The following LDLRAD4 variants were observed in gnomAD, a reference collection of about 807,000 sequenced individuals.
LDLRAD4 encodes low density lipoprotein receptor class A domain containing 4.
A neutral mutation model predicts 17.0 loss-of-function variants in LDLRAD4; 5 were observed. The ratio of observed to expected loss-of-function variants is 0.29; its 90% CI spans 0.15 to 0.62. The LOEUF (loss-of-function observed/expected upper bound fraction) is 0.62. Ranked by LOEUF, LDLRAD4 falls within the 20% of genes least tolerant of loss-of-function variation. The pLI, the probability that LDLRAD4 is intolerant of heterozygous loss-of-function variation, is 0.84. For synonymous variants in LDLRAD4, 168 were observed against 171.8 expected (o/e 0.98, Z 0.17); for missense variants, 340 against 424.7 (o/e 0.80, Z 1.75).
At chr18:13,249,933 CAGGT>C (rs2145809073) in intron 1 of LDLRAD4, among the ~76,000 whole-genome samples, 1 of 152,222 alleles carries the variant, frequency 6.6e-6, no homozygotes, top group East Asian at 1.9e-4. Context: ...TATACGGTGA[CAGGT>C]AGGGGTCTAG....
chr18:13,243,211 A>G (rs918802024), intron 1 of LDLRAD4, among the ~76,000 whole-genome samples: 2 of 152,188 alleles, frequency 1.3e-5, no homozygotes, highest in South Asian at 4.1e-4. Flanking sequence ...ATGGTGTGGG[A>G]GGCAGGGCCC....
At chr18:13,426,769 C>T (rs1290924208) in intron 2 of LDLRAD4, among the ~76,000 whole-genome samples, 1 of 152,218 alleles carries the variant, frequency 6.6e-6, no homozygotes, top group Non-Finnish European at 1.5e-5. Context: ...AGTAGAACAT[C>T]CTGCCATCCA....
At chr18:13,322,353 G>A (rs1350042072) in intron 1 of LDLRAD4, among the ~76,000 whole-genome samples, 2 of 140,416 alleles carry the variant, frequency 1.4e-5, no homozygotes, top group Admixed American at 7.4e-5. Flanking sequence ...AGGCTGGAGC[G>A]CAGTGGCGCA....
chr18:13,238,489 G>A (rs1376320303), intron 1 of LDLRAD4, among the ~76,000 whole-genome samples: 3 of 152,212 alleles, frequency 2.0e-5, no homozygotes, highest in Non-Finnish European at 4.4e-5. Flanking sequence ...ACAAAAGGAA[G>A]ACTTTTTACA....
intron 3 of LDLRAD4, among the ~76,000 whole-genome samples, chr18:13,579,664 A>G (rs2094828370): frequency 1.3e-5 from 2 of 152,268 alleles, no homozygotes; most frequent in Admixed American, 1.3e-4. Flanking sequence ...TTAGCTTCCC[A>G]GGCAAAGTCA....
At position 13,499,427 on chromosome 18, in the gene LDLRAD4, C is replaced by A. The variant is rs2093569856; in HGVS notation, c.181+61043C>A. 2.1e-5 allele frequency among the ~76,000 whole-genome samples: 3 copies of A among 144,560 alleles called. 1 individual carries two copies. The highest frequency in any genetic ancestry group is 9.5e-3 in the Middle Eastern group (2 of 210). The allele number at this position is 144,560 out of a possible 152,430, so 94.8% of individuals were successfully genotyped here. Reference sequence around the variant, plus strand: ...CATGGACACTGGAGAATCCTTCTCGCCACACACGTCCTGCCGTGGACACTG... The same window carrying A: ...CATGGACACTGGAGAATCCTTCTCGACACACACGTCCTGCCGTGGACACTG... On this transcript the variant is annotated intron_variant, in intron 3 of 5. Transcript: ENST00000359446.
At chr18:13,271,638 C>T (rs924003247) in intron 1 of LDLRAD4, among the ~76,000 whole-genome samples, 2 of 152,220 alleles carry the variant, frequency 1.3e-5, no homozygotes, top group Non-Finnish European at 2.9e-5. Flanking sequence ...ATGCCGATAG[C>T]GTTCCCTGAG....
At chr18:13,232,227 G>A (rs2042114658) in intron 1 of LDLRAD4, among the ~76,000 whole-genome samples, 1 of 152,206 alleles carries the variant, frequency 6.6e-6, no homozygotes, top group African/African-American at 2.4e-5. Flanking sequence ...GCTCTTGTGG[G>A]ACTTAGGAGT....
intron 3 of LDLRAD4, among the ~76,000 whole-genome samples, chr18:13,453,252 C>A (rs1410278957): frequency 6.6e-6 from 1 of 152,090 alleles, no homozygotes; most frequent in Admixed American, 6.5e-5. Flanking sequence ...AATGAGGAGG[C>A]CCGTGAACTG....
intron 4 of LDLRAD4, among the ~76,000 whole-genome samples, chr18:13,627,252 C>T (rs894980946): frequency 8.5e-5 from 13 of 152,152 alleles, no homozygotes; most frequent in South Asian, 4.1e-4. Context: ...CAGAGGGAGA[C>T]GCCATCTCAA....
At chr18:13,618,145 C>T (rs1215880127) in intron 3 of LDLRAD4, among the ~76,000 whole-genome samples, 2 of 152,106 alleles carry the variant, frequency 1.3e-5, no homozygotes, top group African/African-American at 4.8e-5. Flanking sequence ...ACAGACAGGC[C>T]AGTGCACGTG....
intron 2 of LDLRAD4, among the ~76,000 whole-genome samples, chr18:13,436,925 G>T (rs934283256): frequency 6.6e-6 from 1 of 152,230 alleles, no homozygotes; most frequent in Non-Finnish European, 1.5e-5. Context: ...ACAAATGGAG[G>T]ATTATAATAC....
At chr18:13,570,867 G>A (rs1159145310) in intron 3 of LDLRAD4, among the ~76,000 whole-genome samples, 2 of 151,968 alleles carry the variant, frequency 1.3e-5, no homozygotes, top group African/African-American at 2.4e-5. Flanking sequence ...CACCCAGCCT[G>A]GAGTGCAGTG....
At chr18:13,591,430 G>A (rs374449200) in intron 3 of LDLRAD4, among the ~76,000 whole-genome samples, 1 of 16,148 alleles carries the variant, frequency 6.2e-5, no homozygotes, top group African/African-American at 1.9e-4. Flanking sequence ...GTGTGTGTGT[G>A]TCTGTGTGTG....
intron 1 of LDLRAD4, among the ~76,000 whole-genome samples, chr18:13,319,545 C>T (rs1381067219): frequency 6.6e-6 from 1 of 152,188 alleles, no homozygotes; most frequent in Non-Finnish European, 1.5e-5. Flanking sequence ...CAGTTTGTCT[C>T]TCTCTAAAAG....
intron 2 of LDLRAD4, among the ~76,000 whole-genome samples, chr18:13,393,943 A>G (rs534950487): frequency 4.3e-4 from 66 of 152,328 alleles, no homozygotes; most frequent in African/African-American, 1.6e-3. Flanking sequence ...CTCCATCTTC[A>G]GGATCTGTCT....
chr18:13,593,288 C>T (rs945004961), intron 3 of LDLRAD4, among the ~76,000 whole-genome samples: 1 of 152,146 alleles, frequency 6.6e-6, no homozygotes, highest in Non-Finnish European at 1.5e-5. Flanking sequence ...ACTCTAGCCT[C>T]GGCAACAGAG....
At position 13,650,572 on chromosome 18, in the gene LDLRAD4, C is replaced by T. The variant is rs140901844; in HGVS notation, c.*4915C>T. On this transcript the variant is annotated 3_prime_UTR_variant, in exon 6 of 6. Transcript: ENST00000359446. ...CCCCCTCCTGCACTTGATGCTCCCA[C>T]CTTTGTTGTGCCTCACTTAAAATGG... 57 of 393,480 alleles carry T rather than the reference C, an allele frequency of 1.4e-4. 1 individual carries two copies. The highest frequency in any genetic ancestry group is 9.7e-4 in the African/African-American group (47 of 48,688). The allele number at this position is 393,480 out of a possible 1,614,324, so 24.4% of individuals were successfully genotyped here.
intron 1 of LDLRAD4, among the ~76,000 whole-genome samples, chr18:13,332,699 C>T (rs1395119865): frequency 6.6e-6 from 1 of 151,410 alleles, no homozygotes; most frequent in Non-Finnish European, 1.5e-5. Context: ...ATATGCGTTT[C>T]ATGTTCTCCT....
Sources: gnomAD v4.1 joint callset for allele counts (sites outside exome capture counted in the v4.1 genomes callset) on GRCh38, gnomAD v4.1.1 for gene constraint, MANE v1.5 for transcripts, NCBI Gene and HGNC (gene_info 2026-07-23, HGNC 2026-07-21) for gene names.